Variants in TUSC3 observed in about 807,000 individuals in gnomAD.
TUSC3 encodes the protein dolichyl-diphosphooligosaccharide--protein glycosyltransferase subunit TUSC3.
A neutral mutation model predicts 44.8 loss-of-function variants in TUSC3; 45 were observed. The ratio of observed to expected loss-of-function variants is 1.00; its 90% CI spans 0.79 to 1.29. TUSC3 has a LOEUF of 1.29. TUSC3 is among the 50% of genes most tolerant of loss of function. The pLI is 0.00. For missense variants in TUSC3, 519 were observed against 437.9 expected (o/e 1.19, Z -1.65); for synonymous variants, 212 against 152.9 (o/e 1.39, Z -2.85).
downstream of TUSC3, among the ~76,000 whole-genome samples, chr8:15,771,445 A>G (rs1812437590): frequency 6.6e-6 from 1 of 152,168 alleles, no homozygotes; most frequent in South Asian, 2.1e-4. Flanking sequence ...GAGTCATACA[A>G]AGAAATGAAA....
chr8:15,693,987 A>T (rs973017244), intron 6 of TUSC3, among the ~76,000 whole-genome samples: 2 of 152,034 alleles, frequency 1.3e-5, no homozygotes, highest in African/African-American at 4.8e-5. Flanking sequence ...CTATCAGCTC[A>T]GTTTAGTTCT....
downstream of TUSC3, among the ~76,000 whole-genome samples, chr8:15,771,280 A>G (rs2543118): frequency 0.028 from 4,329 of 152,210 alleles, 185 homozygotes; most frequent in African/African-American, 0.097. Context: ...ACTCCTCAAA[A>G]TGACCTACAA....
chr8:15,559,204 C>T (rs1218793866), intron 1 of TUSC3, among the ~76,000 whole-genome samples: 1 of 141,932 alleles, frequency 7.0e-6, no homozygotes, highest in Non-Finnish European at 1.6e-5. Flanking sequence ...TATGTTGTGT[C>T]TTTGTTCTCG....
chr8:15,581,974 A>G (rs568507511), intron 1 of TUSC3, among the ~76,000 whole-genome samples: 63 of 151,276 alleles, frequency 4.2e-4, no homozygotes, highest in African/African-American at 1.5e-3. Context: ...CCGTGGGCGT[A>G]GGACCCTCTG....
At chr8:15,816,751 G>A in the TUSC3 span, among the ~76,000 whole-genome samples, 1 of 152,086 alleles carries the variant, frequency 6.6e-6, no homozygotes, top group Non-Finnish European at 1.5e-5. Flanking sequence ...CCCTCACAGA[G>A]AAACGGCATG....
chr8:15,446,578 C>T (rs182577662), intron 1 of TUSC3, among the ~76,000 whole-genome samples: 230 of 151,966 alleles, frequency 1.5e-3, no homozygotes, highest in African/African-American at 5.1e-3. Context: ...AATACAAAAA[C>T]GAGTCAGGCG....
chr8:15,748,179 A>T (rs941527781), intron 8 of TUSC3, among the ~76,000 whole-genome samples, 196 bp from the exon 9 acceptor site: 7 of 150,446 alleles, frequency 4.7e-5, no homozygotes, highest in African/African-American at 1.7e-4. Flanking sequence ...CACAAATAGT[A>T]CATTTTCATT....
chr8:15,591,093 G>A (rs1467241036), intron 1 of TUSC3, among the ~76,000 whole-genome samples: 1 of 152,082 alleles, frequency 6.6e-6, no homozygotes, highest in Non-Finnish European at 1.5e-5. Flanking sequence ...TGAACAAATG[G>A]TAGTTGTTTT....
At chr8:15,789,775 C>G in the TUSC3 span, among the ~76,000 whole-genome samples, 1 of 152,114 alleles carries the variant, frequency 6.6e-6, no homozygotes, top group Non-Finnish European at 1.5e-5. Flanking sequence ...GATATAGACC[C>G]TGCTCTCAAT....
intron 2 of TUSC3, among the ~76,000 whole-genome samples, chr8:15,638,515 CTTTTTTTTTTTTTTTTTT>C (rs547743726): frequency 1.2e-5 from 1 of 81,108 alleles, no homozygotes; most frequent in Non-Finnish European, 2.2e-5. Context: ...TTCTTTTTTT[CTTTTTTTTTTTTTTTTTT>C]TTTTTTGGAG....
chr8:15,846,877 G>GA, the TUSC3 span, among the ~76,000 whole-genome samples: 7,047 of 135,196 alleles, frequency 0.052, 301 homozygotes, highest in African/African-American at 0.13. Context: ...ATGATAATTT[G>GA]AAAAAAAAAA....
intron 1 of TUSC3, among the ~76,000 whole-genome samples, chr8:15,566,934 T>A (rs992178481): frequency 3.9e-5 from 6 of 152,158 alleles, no homozygotes; most frequent in African/African-American, 1.4e-4. Context: ...ACACATATTC[T>A]TACAGGTTGT....
intron 1 of TUSC3, among the ~76,000 whole-genome samples, chr8:15,600,127 T>C (rs137984377): frequency 2.0e-5 from 3 of 151,920 alleles, no homozygotes; most frequent in Non-Finnish European, 4.4e-5. Context: ...ACATGGACAA[T>C]GCTTTTTAAA....
intron 1 of TUSC3, among the ~76,000 whole-genome samples, chr8:15,443,340 G>A (rs1168924749): frequency 1.3e-5 from 1 of 75,476 alleles, no homozygotes; most frequent in Non-Finnish European, 2.8e-5. Flanking sequence ...ACCTAATTGT[G>A]TGTGTGTGTG....
At chr8:15,624,013 G>C (rs1379439783) in intron 2 of TUSC3, among the ~76,000 whole-genome samples, 1 of 151,968 alleles carries the variant, frequency 6.6e-6, no homozygotes, top group Non-Finnish European at 1.5e-5. Context: ...TCACTAGTCT[G>C]TTCTCCATTT....
chr8:15,507,323 CTTA>C lies in TUSC3; in HGVS notation n.189+23849_189+23851del, dbSNP rs546686190. Among the ~76,000 whole-genome samples the C allele has an allele frequency of 2.0e-3, 310 of 152,270 alleles. 1 individual carries two copies. Among genetic ancestry groups the C allele is most frequent in the African/African-American group, 7.0e-3 (293 of 41,562 alleles). Reference sequence around the variant, plus strand: ...TTTAATTAGAGGAAGAGGAAAGTTACTTATTATTATTTTTTCAGCTATCTCTCA... The same window carrying C: ...TTTAATTAGAGGAAGAGGAAAGTTACTTATTATTTTTTCAGCTATCTCTCA... On this transcript the variant is annotated intron_variant and non_coding_transcript_variant, in intron 2 of 5. Transcript: ENST00000503191.
intron 1 of TUSC3, among the ~76,000 whole-genome samples, chr8:15,428,863 G>A (rs1452367593): frequency 6.6e-6 from 1 of 152,166 alleles, no homozygotes; most frequent in Non-Finnish European, 1.5e-5. Flanking sequence ...GTAGATTCTG[G>A]ATATTAGCCC....
intron 2 of TUSC3, among the ~76,000 whole-genome samples, chr8:15,492,927 GA>G (rs1055214374): frequency 2.0e-5 from 3 of 151,798 alleles, no homozygotes; most frequent in Non-Finnish European, 4.4e-5. Flanking sequence ...AAAACATCAT[GA>G]AAAAAAGACA....
chr8:15,456,598 A>T (rs530859297), intron 1 of TUSC3, among the ~76,000 whole-genome samples: 1 of 152,316 alleles, frequency 6.6e-6, no homozygotes, highest in East Asian at 1.9e-4. Context: ...AGAAATATTC[A>T]TTCACTTATG....
Sources: allele counts gnomAD v4.1 joint callset (sites outside exome capture counted in the v4.1 genomes callset), GRCh38; gene constraint gnomAD v4.1.1; transcripts MANE v1.5; gene names NCBI Gene and HGNC (gene_info 2026-07-23, HGNC 2026-07-21).